SDK1: variants seen among roughly 807,000 people sequenced by gnomAD.
SDK1 encodes protein sidekick-1.
Under a neutral mutation model 245.5 loss-of-function variants are expected in SDK1, and 157 were observed. The observed-to-expected ratio is 0.64, with a 90% confidence interval of 0.56 to 0.73. The LOEUF is 0.73. SDK1 is among the 30% of genes least tolerant of loss of function. SDK1 has a pLI of 0.00. For missense variants in SDK1, 3,583 were observed against 3,002.3 expected (o/e 1.19, Z -4.52); for synonymous variants, 1,647 against 1,278.5 (o/e 1.29, Z -6.15).
intron 27 of SDK1, 29 bp downstream of exon 27, chr7:4,130,126 C>T (rs1047469308): frequency 1.3e-6 from 2 of 1,539,266 alleles, no homozygotes; most frequent in Admixed American, 1.9e-5. Flanking sequence ...CCTTCGGGAG[C>T]CTTGCTGCCT....
Position 4,241,861 on chromosome 7 carries a change from A to G in SDK1, c.6199A>G (p.Ser2067Gly), listed in dbSNP as rs762522936. The change falls in exon 43 of 45, where the codon AGC becomes GGC. Residue 2067 changes from serine (S) to glycine (G), a missense_variant. Physicochemically the swap from Ser to Gly is moderately conservative, Grantham distance 56. Transcript: ENST00000404826. ...CGGAGGATTTGCTGCCCTGGAGCTC[A>G]GCAGCCGCCACCTCAATGTCAAGAG... ...DNGGFAALELSSRHLNVKSTF... is the reference protein window; with the variant it reads ...DNGGFAALELGSRHLNVKSTF... 7 of 1,614,114 alleles carry G rather than the reference A, an allele frequency of 4.3e-6. No homozygotes were observed. Among genetic ancestry groups the G allele is most frequent in the Non-Finnish European group, 5.9e-6 (7 of 1,180,010 alleles).
intron 1 of SDK1, among the ~76,000 whole-genome samples, chr7:3,547,734 T>C (rs544345864): frequency 1.3e-5 from 2 of 152,356 alleles, no homozygotes; most frequent in South Asian, 4.1e-4. Context: ...AGATACCTTT[T>C]CTAAAGGAAG....
chr7:3,604,324 T>G (rs1340105085), intron 1 of SDK1, among the ~76,000 whole-genome samples: 1 of 152,182 alleles, frequency 6.6e-6, no homozygotes, highest in Non-Finnish European at 1.5e-5. Context: ...TGTATTACTT[T>G]TCTCTGTCCC....
intron 4 of SDK1, among the ~76,000 whole-genome samples, chr7:3,795,888 T>A (rs1292162482): frequency 6.6e-6 from 1 of 152,182 alleles, no homozygotes; most frequent in East Asian, 1.9e-4. Flanking sequence ...GGGCAATAAA[T>A]CTAAACTTTG....
intron 1 of SDK1, among the ~76,000 whole-genome samples, chr7:3,336,873 G>T (rs1296810410): frequency 7.9e-5 from 12 of 152,204 alleles, no homozygotes; most frequent in African/African-American, 2.7e-4. Context: ...CAGGGTGATG[G>T]TGGGGAGTGG....
intron 4 of SDK1, among the ~76,000 whole-genome samples, chr7:3,686,270 T>A (rs1039114259): frequency 1.3e-5 from 2 of 152,194 alleles, no homozygotes; most frequent in African/African-American, 4.8e-5. Context: ...GAGACGGGGT[T>A]TCACCATGTT....
intron 1 of SDK1, among the ~76,000 whole-genome samples, chr7:3,392,108 G>A (rs1185065966): frequency 6.6e-6 from 1 of 151,908 alleles, no homozygotes; most frequent in Non-Finnish European, 1.5e-5. Context: ...TGCCCATCAT[G>A]TCCACATTAA....
chr7:3,371,114 G>A (rs1781216691), intron 1 of SDK1, among the ~76,000 whole-genome samples: 1 of 152,184 alleles, frequency 6.6e-6, no homozygotes, highest in South Asian at 2.1e-4. Flanking sequence ...GAGTCTCAGA[G>A]CAGGAAGAGT....
intron 44 of SDK1, among the ~76,000 whole-genome samples, chr7:4,246,925 G>A (rs1323327089): frequency 2.0e-5 from 3 of 152,136 alleles, no homozygotes; most frequent in African/African-American, 7.2e-5. Flanking sequence ...GCCACGAGGG[G>A]GCTCTAAGCA....
chr7:3,977,912 C>T (rs1307747416), intron 13 of SDK1, among the ~76,000 whole-genome samples: 5 of 152,174 alleles, frequency 3.3e-5, no homozygotes, highest in Admixed American at 6.5e-5. Flanking sequence ...GGCCCATTGG[C>T]GGGCCTCCTT....
At chr7:3,385,577 C>G (rs1206159023) in intron 1 of SDK1, among the ~76,000 whole-genome samples, 1 of 152,094 alleles carries the variant, frequency 6.6e-6, no homozygotes, top group African/African-American at 2.4e-5. Context: ...TGCCTGGAAT[C>G]TTCTTTAAAA....
chr7:4,080,714 G>A (rs1171289856), intron 22 of SDK1, among the ~76,000 whole-genome samples: 1 of 152,250 alleles, frequency 6.6e-6, no homozygotes, highest in East Asian at 1.9e-4. Context: ...TTGTGGCGTT[G>A]AGGGGGTGGG....
At chr7:4,197,551 C>T (rs1783655697) in intron 35 of SDK1, among the ~76,000 whole-genome samples, 1 of 152,184 alleles carries the variant, frequency 6.6e-6, no homozygotes. Context: ...GCTTCGCGGT[C>T]AAGGCCTAAT....
At chr7:3,386,231 C>T (rs142113542) in intron 1 of SDK1, among the ~76,000 whole-genome samples, 2 of 152,224 alleles carry the variant, frequency 1.3e-5, no homozygotes, top group Middle Eastern at 3.4e-3. Flanking sequence ...GTTAGTGATA[C>T]AAAGATGTGC....
intron 4 of SDK1, among the ~76,000 whole-genome samples, chr7:3,721,885 A>G (rs1013606855): frequency 2.0e-5 from 3 of 152,088 alleles, no homozygotes; most frequent in African/African-American, 7.2e-5. Flanking sequence ...TTAGGTACCA[A>G]TTATCTCCTG....
chr7:3,610,849 G>T (rs1781565630), intron 1 of SDK1, among the ~76,000 whole-genome samples: 1 of 152,192 alleles, frequency 6.6e-6, no homozygotes, highest in African/African-American at 2.4e-5. Context: ...GGACCCTCCT[G>T]CTTTCTCTGT....
chr7:4,160,942 G>T lies in SDK1; in HGVS notation c.4730-844G>T, dbSNP rs1288949955. ...CCAATCTTGGGTTCTAAGTGGAGAG[G>T]CATCTGCTAGATGCACAAGTGTGCC... On this transcript the variant is annotated intron_variant, in intron 31 of 44. Coordinates refer to ENST00000404826, the MANE Select transcript of SDK1 (RefSeq NM_152744.4). 2.6e-5 allele frequency among the ~76,000 whole-genome samples: 4 copies of T among 152,200 alleles called. 1 individual carries two copies. Among genetic ancestry groups the T allele is most frequent in the Admixed American group, 1.3e-4 (2 of 15,286 alleles).
intron 13 of SDK1, among the ~76,000 whole-genome samples, chr7:3,976,667 TGAGGCTGC>T (rs1326186593): frequency 9.9e-3 from 18 of 1,818 alleles, no homozygotes; most frequent in Admixed American, 0.015. Flanking sequence ...GTCCCGGGGC[TGAGGCTGC>T]GAGGCTGCCA....
intron 25 of SDK1, among the ~76,000 whole-genome samples, chr7:4,116,003 G>A (rs1017862671): frequency 1.3e-5 from 2 of 152,182 alleles, no homozygotes; most frequent in Admixed American, 6.5e-5. Flanking sequence ...GTTGGCATGG[G>A]TGGAGGTGGC....
Sources: allele counts gnomAD v4.1 joint callset (sites outside exome capture counted in the v4.1 genomes callset), GRCh38; gene constraint gnomAD v4.1.1; transcripts MANE v1.5; gene names NCBI Gene and HGNC (gene_info 2026-07-23, HGNC 2026-07-21).